PPM1G: variants seen among roughly 807,000 people sequenced by gnomAD.
PPM1G encodes protein phosphatase, Mg2+/Mn2+ dependent 1G.
Under a neutral mutation model 59.4 loss-of-function variants are expected in PPM1G, and 12 were observed. The ratio of observed to expected loss-of-function variants is 0.20; its 90% CI spans 0.13 to 0.33. The LOEUF (loss-of-function observed/expected upper bound fraction) is 0.33, where lower values mean the gene tolerates loss of function less well. Ranked by LOEUF, PPM1G falls within the 10% of genes least tolerant of loss-of-function variation. The pLI is 1.00. For synonymous variants in PPM1G, 245 were observed against 251.9 expected (o/e 0.97, Z 0.26); for missense variants, 392 against 681.3 (o/e 0.58, Z 4.73).
At chr2:27,408,775 T>C (rs530924903) in intron 1 of PPM1G, among the ~76,000 whole-genome samples, 24 of 152,162 alleles carry the variant, frequency 1.6e-4, no homozygotes, top group Non-Finnish European at 2.1e-4. Context: ...GAAATTAACA[T>C]GCAAGAGCCC....
chr2:27,383,301 G>A lies in PPM1G; in HGVS notation c.1201+65C>T. ...ACAAGCACTAGGAAGATTAAAGTTT[G>A]CTACTAGGTAGTCTGGGACAGAGAG... On this transcript the variant is annotated intron_variant, in intron 7 of 9. Coordinates refer to ENST00000344034, the MANE Select transcript of PPM1G (RefSeq NM_177983.3). The surrounding 1 kb of genome is among the most constrained non-coding windows in gnomAD (Gnocchi z 5.0). 3 of 1,434,352 alleles carry A rather than the reference G, an allele frequency of 2.1e-6. No homozygotes were observed. The highest frequency in any genetic ancestry group is 2.9e-6 in the Non-Finnish European group (3 of 1,025,278). 88.9% of individuals were successfully genotyped at this position (1,434,352 alleles called of 1,614,324 possible). A position where few individuals can be genotyped will look rare whatever the true frequency, so the allele number is the denominator to read the frequency against.
chr2:27,381,500 C>T lies in PPM1G; in HGVS notation c.*99G>A. The T allele has an allele frequency of 1.4e-6, 2 of 1,418,122 alleles. No homozygotes were observed. Among genetic ancestry groups the T allele is most frequent in the Non-Finnish European group, 2.0e-6 (2 of 1,011,404 alleles). The allele number at this position is 1,418,122 out of a possible 1,614,324, so 87.8% of individuals were successfully genotyped here. On this transcript the variant is annotated 3_prime_UTR_variant, in exon 10 of 10. Coordinates refer to ENST00000344034, the MANE Select transcript of PPM1G (RefSeq NM_177983.3). ...AAGCCACCCAGCTCCCCCTGCACAC[C>T]TCATACCCACTGCTAAGGCTAAAGG... is the stretch of plus-strand genomic sequence containing the variant.
In PPM1G at chr2:27,381,705, T is replaced by C; in HGVS notation, c.1535A>G (p.Glu512Gly). The C allele has an allele frequency of 6.2e-7, 1 of 1,614,008 alleles. No homozygotes were observed. Among genetic ancestry groups the C allele is most frequent in the African/African-American group, 1.3e-5 (1 of 74,980 alleles). ...TCGCTTGCCACTCTCTGGCTGGAGCTCTGCTGTGTTTCGGGGCTTGAAGCA... is the reference window on the plus strand; with the variant it reads ...TCGCTTGCCACTCTCTGGCTGGAGCCCTGCTGTGTTTCGGGGCTTGAAGCA... The part of the protein sequence containing the change: ...IICFKPRNTA[E>G]LQPESGKRKL... The change falls in exon 10 of 10, where the codon GAG becomes GGG. Residue 512 changes from glutamate (E) to glycine (G), a missense_variant. By Grantham distance (98) the Glu-to-Gly change is moderately conservative. Around this residue, in one of 6 missense-constraint regions of PPM1G, gnomAD observed 49 missense variants for 43.4 expected, o/e 1.13. Transcript: ENST00000344034.
chr2:27,407,655 G>A (rs1021227916), intron 1 of PPM1G, among the ~76,000 whole-genome samples: 4 of 152,148 alleles, frequency 2.6e-5, no homozygotes, highest in Non-Finnish European at 5.9e-5. Flanking sequence ...GTTTGACATA[G>A]ATGATTAACA....
At position 27,409,358 on chromosome 2, in the gene PPM1G, C is replaced by A; in HGVS notation, c.65G>T (p.Arg22Leu). 1 of 1,541,232 alleles carries A rather than the reference C, an allele frequency of 6.5e-7. No homozygotes were observed. Among genetic ancestry groups the A allele is most frequent in the Non-Finnish European group, 8.7e-7 (1 of 1,143,280 alleles). Residue 22 changes from arginine (R) to leucine (L), a missense_variant, in exon 1 of 10, where the codon CGC becomes CTC. Coordinates refer to ENST00000344034, the MANE Select transcript of PPM1G (RefSeq NM_177983.3). ...KCSGDGVGAP[R>L]LPLPYGFSAM... The stretch of plus-strand genomic sequence containing the variant: ...GGAGAAGCCGTAGGGCAGCGGCAGG[C>A]GCGGGGCGCCGACCCCGTCCCCGGA...
At chr2:27,387,531 C>T (rs1292198444) in intron 1 of PPM1G, among the ~76,000 whole-genome samples, 1 of 151,906 alleles carries the variant, frequency 6.6e-6, no homozygotes, top group Non-Finnish European at 1.5e-5. Context: ...GACAGAGTCT[C>T]GCCCTGTCAC....
intron 1 of PPM1G, among the ~76,000 whole-genome samples, chr2:27,391,729 T>G (rs1319805149): frequency 6.6e-6 from 1 of 151,746 alleles, no homozygotes. Context: ...ATGTTCTTTT[T>G]TTCTTTCTTT....
intron 1 of PPM1G, among the ~76,000 whole-genome samples, chr2:27,389,972 A>G (rs937668737): frequency 1.3e-5 from 2 of 152,190 alleles, no homozygotes; most frequent in African/African-American, 4.8e-5. Context: ...CATCTCTAAA[A>G]CAAAACAAAG....
At position 27,384,030 on chromosome 2, in the gene PPM1G, ATCC is replaced by A. The variant is rs759023688; in HGVS notation, c.885_887del (p.Glu295del). 6.2e-7 allele frequency: 1 copy of A among 1,607,970 alleles called. No homozygotes were observed. Among genetic ancestry groups the A allele is most frequent in the Non-Finnish European group, 8.5e-7 (1 of 1,177,136 alleles). On this transcript the variant is annotated inframe_deletion, in exon 6 of 10. Transcript: ENST00000344034. This position sits in a 1 kb window ranked among gnomAD's most constrained non-coding sequence, Gnocchi z 4.8. Reference sequence around the variant, plus strand: ...CGTCCTCTTCAGCCTCCTCGGTGTCATCCTCATCTTCCTCATTCTCTGCCTCCT... The same window carrying A: ...CGTCCTCTTCAGCCTCCTCGGTGTCATCATCTTCCTCATTCTCTGCCTCCT...
intron 1 of PPM1G, among the ~76,000 whole-genome samples, chr2:27,391,176 T>C (rs914295606): frequency 3.3e-5 from 5 of 149,948 alleles, no homozygotes; most frequent in Admixed American, 1.3e-4. Context: ...GGCAGAATGA[T>C]TTATTTTCCT....
At chr2:27,386,327 TA>T in intron 2 of PPM1G, 48 bp from the exon 3 acceptor site, 1 of 1,316,494 alleles carries the variant, frequency 7.6e-7, no homozygotes, top group Non-Finnish European at 1.1e-6. Flanking sequence ...TCCCCACACA[TA>T]GAAAGTGATA....
rs1257637486 is a variant in PPM1G at position 27,383,875 on chromosome 2, T to G, written c.966+77A>C. ...ATCCTAAAGTATCAGGGGGATCCCC[T>G]GTCTCAAAATCAAAATTAGGGGATT... is the stretch of plus-strand genomic sequence containing the variant. On this transcript the variant is annotated intron_variant, in intron 6 of 9. Coordinates refer to ENST00000344034, the MANE Select transcript of PPM1G (RefSeq NM_177983.3). This position sits in a 1 kb window ranked among gnomAD's most constrained non-coding sequence, Gnocchi z 5.0. 1.1e-5 allele frequency: 17 copies of G among 1,535,834 alleles called. No individual in the cohort carries two copies. Among genetic ancestry groups the G allele is most frequent in the Non-Finnish European group, 1.4e-5 (16 of 1,137,584 alleles).
chr2:27,387,586 C>T (rs576520880), intron 1 of PPM1G, among the ~76,000 whole-genome samples: 47 of 152,114 alleles, frequency 3.1e-4, no homozygotes, highest in Middle Eastern at 6.8e-3. Context: ...CTGCAACCTC[C>T]GCCTCGTGGG....
At position 27,385,215 on chromosome 2, in the gene PPM1G, G is replaced by T; in HGVS notation, c.410-127C>A. 9.1e-7 allele frequency: 1 copy of T among 1,094,586 alleles called. No homozygotes were observed. Among genetic ancestry groups the T allele is most frequent in the Non-Finnish European group, 1.3e-6 (1 of 787,918 alleles). 67.8% of individuals were successfully genotyped at this position (1,094,586 alleles called of 1,614,324 possible). A position where few individuals can be genotyped will look rare whatever the true frequency, so the allele number is the denominator to read the frequency against. On this transcript the variant is annotated intron_variant, in intron 4 of 9. Transcript: ENST00000344034. The surrounding 1 kb of genome is among the most constrained non-coding windows in gnomAD (Gnocchi z 4.1). ...ACCTCCCACTCCCAAGGTTCCTCTCGCTCAAGTCTCAGAAGAACATGCCCT... is the reference window on the plus strand; with the variant it reads ...ACCTCCCACTCCCAAGGTTCCTCTCTCTCAAGTCTCAGAAGAACATGCCCT...
intron 1 of PPM1G, among the ~76,000 whole-genome samples, chr2:27,387,985 A>G (rs1683809580): frequency 6.6e-6 from 1 of 151,720 alleles, no homozygotes; most frequent in East Asian, 2.0e-4. Flanking sequence ...TTTTTAGTAG[A>G]GACGGGGTTT....
chr2:27,397,484 A>C (rs1684079851), intron 1 of PPM1G, among the ~76,000 whole-genome samples: 2 of 152,222 alleles, frequency 1.3e-5, no homozygotes, highest in South Asian at 4.1e-4. Context: ...AGGATAATAC[A>C]CATTGATCAA....
chr2:27,391,405 TGGTTCTA>T (rs1345824101), intron 1 of PPM1G, among the ~76,000 whole-genome samples: 1 of 152,246 alleles, frequency 6.6e-6, no homozygotes, highest in East Asian at 1.9e-4. Context: ...TATCTCTTTG[TGGTTCTA>T]ATTTGCATTT....
intron 1 of PPM1G, among the ~76,000 whole-genome samples, chr2:27,404,815 G>C (rs186154713): frequency 1.3e-5 from 2 of 150,482 alleles, no homozygotes; most frequent in African/African-American, 2.4e-5. Context: ...ATGGTGGCAG[G>C]CGCCTGTAAT....
Position 27,393,364 on chromosome 2 carries a change from T to C in PPM1G, c.121-6206A>G, listed in dbSNP as rs1346620786. 5 of 1,581,594 alleles carry C rather than the reference T, an allele frequency of 3.2e-6. No individual in the cohort carries two copies. In the Admixed American group the frequency reaches 5.0e-5, roughly 16 times the overall value. ...CGCACCTGCGAGGTAGACGCGGTCG[T>C]CATGCCGGCGACTAAGGAGAGGCGG... On this transcript the variant is annotated intron_variant, in intron 1 of 9. Coordinates refer to ENST00000344034, the MANE Select transcript of PPM1G (RefSeq NM_177983.3).
Sources: gnomAD v4.1 joint callset for allele counts (sites outside exome capture counted in the v4.1 genomes callset) on GRCh38, gnomAD v4.1.1 for gene constraint, gnomAD v4.1.1 regional missense constraint, Gnocchi (gnomAD v3.1) non-coding constraint, MANE v1.5 for transcripts, NCBI Gene and HGNC (gene_info 2026-07-23, HGNC 2026-07-21) for gene names.